Variants in LOC128462377 observed in about 807,000 individuals in gnomAD.
chr16:89,364,500 G>GTATT, the LOC128462377 span, among the ~76,000 whole-genome samples: 1 of 152,216 alleles, frequency 6.6e-6, no homozygotes, highest in African/African-American at 2.4e-5. Context: ...GCCTTTCCAT[G>GTATT]TATTTTTCTT....
the LOC128462377 span, among the ~76,000 whole-genome samples, chr16:89,379,457 G>T: frequency 6.6e-6 from 1 of 152,212 alleles, no homozygotes; most frequent in African/African-American, 2.4e-5. Flanking sequence ...TCCAAAACCA[G>T]CTCATGTAAC....
chr16:89,379,341 G>C, the LOC128462377 span, among the ~76,000 whole-genome samples: 1 of 152,210 alleles, frequency 6.6e-6, no homozygotes, highest in African/African-American at 2.4e-5. Flanking sequence ...AATTTTAAAT[G>C]GCTCAAATCA....
chr16:89,403,120 C>A, the LOC128462377 span, among the ~76,000 whole-genome samples: 5 of 152,198 alleles, frequency 3.3e-5, no homozygotes, highest in Admixed American at 6.5e-5. Flanking sequence ...AACCTCTCAG[C>A]GTGACGTGCC....
chr16:89,398,076 A>C, the LOC128462377 span, among the ~76,000 whole-genome samples: 1 of 151,490 alleles, frequency 6.6e-6, no homozygotes, highest in Non-Finnish European at 1.5e-5. Context: ...TGACGCTGTG[A>C]AACAGCTGAA....
chr16:89,417,694 C>T, the LOC128462377 span, among the ~76,000 whole-genome samples: 8 of 152,076 alleles, frequency 5.3e-5, no homozygotes, highest in Non-Finnish European at 8.8e-5. Context: ...ACAGGACAGC[C>T]CGGCGAGACC....
At chr16:89,381,985 C>T in the LOC128462377 span, among the ~76,000 whole-genome samples, 38 of 152,290 alleles carry the variant, frequency 2.5e-4, no homozygotes, top group African/African-American at 8.4e-4. Context: ...TGTCTGAGAT[C>T]GTTTAACTAA....
the LOC128462377 span, among the ~76,000 whole-genome samples, chr16:89,322,752 C>A: frequency 1.2e-4 from 19 of 152,254 alleles, no homozygotes; most frequent in African/African-American, 4.6e-4. Flanking sequence ...GCTCCCACGT[C>A]GGCCCTGGGC....
chr16:89,383,311 C>T, the LOC128462377 span, among the ~76,000 whole-genome samples: 23 of 152,236 alleles, frequency 1.5e-4, no homozygotes, highest in Non-Finnish European at 4.4e-5. Context: ...CCCCTCCTAG[C>T]CATGCCTGCC....
chr16:89,348,284 T>C, the LOC128462377 span, among the ~76,000 whole-genome samples: 18 of 152,302 alleles, frequency 1.2e-4, no homozygotes, highest in African/African-American at 3.6e-4. Context: ...GGCATTTCAT[T>C]TTCCTTATGT....
the LOC128462377 span, among the ~76,000 whole-genome samples, chr16:89,354,159 A>G: frequency 6.6e-6 from 1 of 152,098 alleles, no homozygotes; most frequent in Non-Finnish European, 1.5e-5. Context: ...CAGATGGAGG[A>G]AAGTATACCT....
the LOC128462377 span, among the ~76,000 whole-genome samples, chr16:89,379,708 G>A: frequency 6.6e-6 from 1 of 152,238 alleles, no homozygotes; most frequent in Non-Finnish European, 1.5e-5. Context: ...AGAGCTCCGT[G>A]CAGTGCACGG....
the LOC128462377 span, among the ~76,000 whole-genome samples, chr16:89,362,127 C>G: frequency 6.6e-6 from 1 of 152,246 alleles, no homozygotes; most frequent in African/African-American, 2.4e-5. Context: ...TTTACCCAAT[C>G]TGACATGTGG....
At chr16:89,387,473 C>A in the LOC128462377 span, among the ~76,000 whole-genome samples, 3 of 150,356 alleles carry the variant, frequency 2.0e-5, no homozygotes, top group African/African-American at 7.4e-5. Flanking sequence ...GAGACCGAGA[C>A]CATCCCGGCT....
the LOC128462377 span, among the ~76,000 whole-genome samples, chr16:89,408,582 C>CA: frequency 1.2e-4 from 18 of 152,316 alleles, no homozygotes; most frequent in East Asian, 3.3e-3. Flanking sequence ...AGCACTGCCC[C>CA]ACACACACTC....
the LOC128462377 span, among the ~76,000 whole-genome samples, chr16:89,320,756 C>T: frequency 6.6e-6 from 1 of 152,260 alleles, no homozygotes; most frequent in Non-Finnish European, 1.5e-5. Context: ...CTCAGCCCAG[C>T]GGAGTGGACA....
At chr16:89,335,780 G>A in the LOC128462377 span, among the ~76,000 whole-genome samples, 3 of 152,200 alleles carry the variant, frequency 2.0e-5, no homozygotes, top group Admixed American at 6.5e-5. Flanking sequence ...AGAGGCCCCA[G>A]TGTGGGTTCT....
chr16:89,403,349 C>T, the LOC128462377 span, among the ~76,000 whole-genome samples: 1 of 152,118 alleles, frequency 6.6e-6, no homozygotes, highest in Non-Finnish European at 1.5e-5. Flanking sequence ...CCCAGCACCG[C>T]GTGGAAGAAC....
At chr16:89,323,112 G>A in the LOC128462377 span, 1 of 320,952 alleles carries the variant, frequency 3.1e-6, no homozygotes, top group African/African-American at 2.2e-5. Context: ...AGCCCTGCCG[G>A]CTGTTGTGCG....
chr16:89,388,211 C>CA, the LOC128462377 span, among the ~76,000 whole-genome samples: 1 of 151,942 alleles, frequency 6.6e-6, no homozygotes, highest in Non-Finnish European at 1.5e-5. Flanking sequence ...TTCACCACCA[C>CA]AAAGACCTGA....
Sources: gnomAD v4.1 joint callset for allele counts (sites outside exome capture counted in the v4.1 genomes callset) on GRCh38, gnomAD v4.1.1 for gene constraint, MANE v1.5 for transcripts.